Variants in JMY observed in about 807,000 individuals in gnomAD.
The protein encoded by JMY is junction mediating and regulatory protein, p53 cofactor.
In JMY, 46 loss-of-function variants were observed where a neutral mutation model predicts 103.3. That is an observed-to-expected ratio of 0.45 (90% CI 0.35 to 0.57). The LOEUF is 0.57. Ranked by LOEUF, JMY falls within the 20% of genes least tolerant of loss-of-function variation. The pLI is 0.00. For synonymous variants in JMY, 526 were observed against 489.3 expected, an observed-to-expected ratio of 1.07 and a Z score of -0.99; for missense variants, 1,238 against 1,255.2, an observed-to-expected ratio of 0.99 and a Z score of 0.21.
chr5:79,281,584 C>T (rs1296453365), intron 2 of JMY, among the ~76,000 whole-genome samples: 1 of 151,848 alleles, frequency 6.6e-6, no homozygotes, highest in African/African-American at 2.4e-5. Flanking sequence ...TAATTTTTGG[C>T]AATGCAAAGG....
rs1257143255 is a variant in JMY, at chr5:79,322,397, TTTTTA to T, written c.*800_*804del. On this transcript the variant is annotated 3_prime_UTR_variant, in exon 11 of 11. Coordinates refer to ENST00000396137, the MANE Select transcript of JMY (RefSeq NM_152405.5). Reference sequence around the variant, plus strand: ...AGTACTTTGATAATATTTCAAATTATTTTTATTTTGTTTGAATTATTGCTTGATTG... The same window carrying T: ...AGTACTTTGATAATATTTCAAATTATTTTTGTTTGAATTATTGCTTGATTG... 1 of 152,258 alleles carries T rather than the reference TTTTTA, an allele frequency of 6.6e-6. No individual in the cohort carries two copies. The highest frequency in any genetic ancestry group is 2.4e-5 in the African/African-American group (1 of 41,480). The allele number at this position is 152,258 out of a possible 1,614,324, so 9.4% of individuals were successfully genotyped here.
At chr5:79,245,932 A>G (rs1388067652) in intron 1 of JMY, among the ~76,000 whole-genome samples, 2 of 152,134 alleles carry the variant, frequency 1.3e-5, no homozygotes, top group East Asian at 3.9e-4. Flanking sequence ...GCCTGTATTC[A>G]GGTTTCCATC....
At chr5:79,268,520 C>A (rs1745651999) in intron 1 of JMY, among the ~76,000 whole-genome samples, 1 of 152,058 alleles carries the variant, frequency 6.6e-6, no homozygotes, top group Admixed American at 6.6e-5. Context: ...TGGCGTCTCG[C>A]TCTGTCGCCC....
At chr5:79,237,749 T>C (rs1284837382) in intron 1 of JMY, 67 bp downstream of exon 1, 8 of 1,440,026 alleles carry the variant, frequency 5.6e-6, no homozygotes, top group South Asian at 1.3e-5. Context: ...AACCAAAGGC[T>C]GGAGCCTCGG....
At chr5:79,260,264 T>A (rs1442809898) in intron 1 of JMY, among the ~76,000 whole-genome samples, 1 of 152,178 alleles carries the variant, frequency 6.6e-6, no homozygotes, top group East Asian at 1.9e-4. Flanking sequence ...GGTTCCTGCC[T>A]GGCCCTGTGA....
intron 1 of JMY, among the ~76,000 whole-genome samples, chr5:79,263,764 C>T (rs969626428): frequency 2.0e-5 from 3 of 151,778 alleles, no homozygotes; most frequent in Non-Finnish European, 2.9e-5. Context: ...GCATCAGCCT[C>T]CTGCTTTGGC....
At chr5:79,253,686 G>C (rs1378904221) in intron 1 of JMY, among the ~76,000 whole-genome samples, 3 of 152,202 alleles carry the variant, frequency 2.0e-5, no homozygotes, top group East Asian at 3.9e-4. Flanking sequence ...TTATCAGTGA[G>C]TTTTGTACTT....
chr5:79,244,093 C>T (rs751228829), intron 1 of JMY, among the ~76,000 whole-genome samples: 4 of 150,280 alleles, frequency 2.7e-5, no homozygotes, highest in Admixed American at 6.6e-5. Context: ...CTCCACTGCC[C>T]GGCTTCTAGC....
At chr5:79,277,842 GT>G in intron 1 of JMY, 67 bp from the exon 2 acceptor site, 2 of 1,451,892 alleles carry the variant, frequency 1.4e-6, no homozygotes, top group South Asian at 2.7e-5. Context: ...GATAGGGAGA[GT>G]TCAAAGCAAG....
At chr5:79,258,305 G>GTTTTTTTTTTTTTTTTTTTTT (rs199879072) in intron 1 of JMY, among the ~76,000 whole-genome samples, 4 of 117,026 alleles carry the variant, frequency 3.4e-5, no homozygotes, top group African/African-American at 3.0e-5. Context: ...GGCTTTTTTT[G>GTTTTTTTTTTTTTTTTTTTTT]TTTTTGTTGT....
At position 79,323,857 on chromosome 5, in the gene JMY, C is replaced by G. The variant is rs1357963586; in HGVS notation, c.*2255C>G. ...AGGGTGGAGGGTGTGTAGAACTCCACTCAGCCTCATGGATACATCTACAAG... is the reference window on the plus strand; with the variant it reads ...AGGGTGGAGGGTGTGTAGAACTCCAGTCAGCCTCATGGATACATCTACAAG... On this transcript the variant is annotated 3_prime_UTR_variant, in exon 11 of 11. Coordinates refer to ENST00000396137, the MANE Select transcript of JMY (RefSeq NM_152405.5). 1.3e-5 allele frequency: 2 copies of G among 151,466 alleles called. No individual in the cohort carries two copies. Among genetic ancestry groups the G allele is most frequent in the Non-Finnish European group, 2.9e-5 (2 of 67,832 alleles). 9.4% of individuals were successfully genotyped at this position (151,466 alleles called of 1,614,324 possible).
At chr5:79,306,770 A>T (rs1380455940) in intron 7 of JMY, among the ~76,000 whole-genome samples, 1 of 152,032 alleles carries the variant, frequency 6.6e-6, no homozygotes, top group African/African-American at 2.4e-5. Flanking sequence ...GAACATCACC[A>T]TTCCCCAAAA....
rs1173718324 is a variant in JMY, at chr5:79,291,193, C to T, written c.1421C>T (p.Ala474Val). Residue 474 changes from alanine to valine, a missense_variant, in exon 4 of 11, where the codon GCT becomes GTT. Coordinates refer to ENST00000396137, the MANE Select transcript of JMY (RefSeq NM_152405.5). Reference protein sequence around the residue: ...KFGKASWAAAAERMEKLQYAV... With the variant: ...KFGKASWAAAVERMEKLQYAV... ...GGTAAAGCATCATGGGCAGCGGCTGCTGAACGGATGGAAAAACTCCAGTAT... is the reference window on the plus strand; with the variant it reads ...GGTAAAGCATCATGGGCAGCGGCTGTTGAACGGATGGAAAAACTCCAGTAT... 1 of 1,613,220 alleles carries T rather than the reference C, an allele frequency of 6.2e-7. No individual in the cohort carries two copies. Among genetic ancestry groups the T allele is most frequent in the South Asian group, 1.1e-5 (1 of 90,806 alleles).
At position 79,300,670 on chromosome 5, in the gene JMY, T is replaced by G. The variant is rs775178471; in HGVS notation, c.1694-6T>G. ...ACCACTACTCTTTTTTGCTGTTCTGTAACAGAAAAAAGAGATGAAGTGGTA... is the reference window on the plus strand; with the variant it reads ...ACCACTACTCTTTTTTGCTGTTCTGGAACAGAAAAAAGAGATGAAGTGGTA... On this transcript the variant is annotated splice_region_variant and splice_polypyrimidine_tract_variant and intron_variant, in intron 5 of 10. Coordinates refer to ENST00000396137, the MANE Select transcript of JMY (RefSeq NM_152405.5). 1.9e-6 allele frequency: 3 copies of G among 1,586,056 alleles called. No individual in the cohort carries two copies. The highest frequency in any genetic ancestry group is 2.6e-6 in the Non-Finnish European group (3 of 1,171,344).
At chr5:79,245,982 A>C (rs1043070838) in intron 1 of JMY, among the ~76,000 whole-genome samples, 14 of 152,120 alleles carry the variant, frequency 9.2e-5, no homozygotes, top group African/African-American at 2.9e-4. Flanking sequence ...CAGCACTTTT[A>C]ATATTGCTAG....
chr5:79,238,952 T>C (rs1226391633), intron 1 of JMY, among the ~76,000 whole-genome samples: 1 of 152,180 alleles, frequency 6.6e-6, no homozygotes, highest in Non-Finnish European at 1.5e-5. Context: ...CGTGAGCCAC[T>C]GTGCCCGGCC....
chr5:79,311,673 T>G (rs1232681638), intron 7 of JMY, among the ~76,000 whole-genome samples: 1 of 152,216 alleles, frequency 6.6e-6, no homozygotes, highest in Admixed American at 6.5e-5. Flanking sequence ...AGCTTTTAGA[T>G]GATTCAACTC....
chr5:79,297,574 A>T (rs368312714), intron 4 of JMY, among the ~76,000 whole-genome samples: 102 of 152,312 alleles, frequency 6.7e-4, no homozygotes, highest in African/African-American at 2.1e-3. Flanking sequence ...TGAAGATTAG[A>T]TAGACCTCAG....
intron 6 of JMY, among the ~76,000 whole-genome samples, chr5:79,305,276 C>T (rs993994638): frequency 2.0e-5 from 3 of 151,900 alleles, no homozygotes; most frequent in Non-Finnish European, 4.4e-5. Flanking sequence ...ATGGTGAAAC[C>T]CCGTCTCTAC....
Sources: gnomAD v4.1 joint callset for allele counts (sites outside exome capture counted in the v4.1 genomes callset) on GRCh38, gnomAD v4.1.1 for gene constraint, MANE v1.5 for transcripts, NCBI Gene and HGNC (gene_info 2026-07-23, HGNC 2026-07-21) for gene names.